Variants in KIF5B observed in about 807,000 individuals in gnomAD.
KIF5B encodes the protein kinesin family member 5B.
A neutral mutation model predicts 132.8 loss-of-function variants in KIF5B; 49 were observed. The ratio of observed to expected loss-of-function variants is 0.37; its 90% CI spans 0.29 to 0.47. KIF5B has a LOEUF of 0.47. Among genes scored for constraint, KIF5B ranks in the 20% least tolerant of loss-of-function variants. The pLI is 1.00. For synonymous variants in KIF5B, 355 were observed against 369.4 expected (o/e 0.96, Z 0.45); for missense variants, 780 against 1,144.0 (o/e 0.68, Z 4.59).
Position 32,022,152 on chromosome 10 carries a change from G to A in KIF5B, c.2020C>T (p.Leu674Phe). The A allele has an allele frequency of 6.3e-7, 1 of 1,581,680 alleles. No individual in the cohort carries two copies. The highest frequency in any genetic ancestry group is 8.7e-7 in the Non-Finnish European group (1 of 1,153,410). ...TTGGAAGCTATACCTTGTGCTCGAA[G>A]CTGGACTAGTTCTTCACTGAGGGCA... is the stretch of plus-strand genomic sequence containing the variant. ...VDALSEELVQ[L>F]RAQEKVHEME... The change falls in exon 17 of 26, where the codon CTT (leucine) becomes TTT (phenylalanine). Residue 674 changes from leucine (L) to phenylalanine (F), a missense_variant. Leu to Phe is a conservative substitution (Grantham distance 22). This residue lies in a region of KIF5B where 471 missense variants were observed against 569.9 expected (regional missense o/e 0.83). Coordinates refer to ENST00000302418, the MANE Select transcript of KIF5B (RefSeq NM_004521.3).
intron 1 of KIF5B, among the ~76,000 whole-genome samples, chr10:32,050,384 A>T (rs186951403): frequency 1.4e-3 from 218 of 152,330 alleles, no homozygotes; most frequent in Middle Eastern, 0.014. Context: ...GGTCTGTTCG[A>T]GGTCTCTGAG....
Position 32,048,456 on chromosome 10 carries a change from A to G in KIF5B, c.214+8T>C, listed in dbSNP as rs771002605. 6.3e-6 allele frequency: 10 copies of G among 1,583,460 alleles called. No homozygotes were observed. The highest frequency in any genetic ancestry group is 3.3e-4 in the Middle Eastern group (2 of 5,990). On this transcript the variant is annotated splice_region_variant and intron_variant, in intron 2 of 25. Coordinates refer to ENST00000302418, the MANE Select transcript of KIF5B (RefSeq NM_004521.3). ...GCTGAGACAACTCAGCAGGTTGAAT[A>G]TATTTACCTTTAACAATCTTCTTTG...
intron 23 of KIF5B, among the ~76,000 whole-genome samples, chr10:32,017,743 A>G (rs975143685): frequency 3.3e-5 from 5 of 152,248 alleles, no homozygotes; most frequent in African/African-American, 1.2e-4. Flanking sequence ...AAGACTTTGC[A>G]GTACTTTAAC....
intron 15 of KIF5B, among the ~76,000 whole-genome samples, chr10:32,027,125 T>C: frequency 6.6e-6 from 1 of 152,220 alleles, no homozygotes; most frequent in East Asian, 1.9e-4. Context: ...GTACTCCATA[T>C]TGAAAACTTT....
chr10:32,035,131 G>T (rs964472850), intron 10 of KIF5B, among the ~76,000 whole-genome samples: 18 of 151,852 alleles, frequency 1.2e-4, no homozygotes, highest in African/African-American at 3.9e-4. Flanking sequence ...AATTACTGTT[G>T]AAAGTCAAAG....
Position 32,035,878 on chromosome 10 carries a change from A to G in KIF5B, c.816+12T>C, listed in dbSNP as rs1205809076. ...ATAAGGTAACAGGGAGATAGAAGAC[A>G]TGTATACTCACACTACCCTCAGCCA... On this transcript the variant is annotated intron_variant, in intron 9 of 25. Transcript: ENST00000302418. 1.9e-6 allele frequency: 3 copies of G among 1,592,474 alleles called. No individual in the cohort carries two copies. Among genetic ancestry groups the G allele is most frequent in the Admixed American group, 3.5e-5 (2 of 57,554 alleles).
rs1313051693 is a variant in KIF5B, at chr10:32,015,679, C to T, written c.2762-20G>A. ...GTTTAGCTAATATGAAAAATAAAGACAGACTTTAGAATAAAGTTTAAGATG... is the reference window on the plus strand; with the variant it reads ...GTTTAGCTAATATGAAAAATAAAGATAGACTTTAGAATAAAGTTTAAGATG... On this transcript the variant is annotated intron_variant, in intron 24 of 25. Coordinates refer to ENST00000302418, the MANE Select transcript of KIF5B (RefSeq NM_004521.3). 3.1e-6 allele frequency: 5 copies of T among 1,593,586 alleles called. No individual in the cohort carries two copies. Among genetic ancestry groups the T allele is most frequent in the Non-Finnish European group, 4.3e-6 (5 of 1,168,988 alleles).
chr10:32,017,444 A>C (rs943826095), intron 23 of KIF5B, 85 bp from the exon 24 acceptor site: 9 of 998,120 alleles, frequency 9.0e-6, no homozygotes, highest in African/African-American at 3.3e-5. Context: ...GCTCTTTAGA[A>C]AAGTAAAACT....
At chr10:32,043,035 T>G (rs944081191) in intron 2 of KIF5B, among the ~76,000 whole-genome samples, 6 of 152,134 alleles carry the variant, frequency 3.9e-5, no homozygotes, top group Non-Finnish European at 8.8e-5. Context: ...TCACCCAGGC[T>G]GGAGTGCAGT....
rs900280266 is a variant in KIF5B, at chr10:32,024,063, A to C, written c.1726-1027T>G. ...ATGACGTTGAGAGTAAAAAAAAAAA[A>C]CAAAAAAAAAAAAACAAGACACAGA... On this transcript the variant is annotated intron_variant, in intron 15 of 25. Transcript: ENST00000302418. 3.9e-3 allele frequency among the ~76,000 whole-genome samples: 292 copies of C among 74,186 alleles called. 9 individuals are homozygous for C. In the East Asian group the frequency reaches 0.055, roughly 14 times the overall value. 48.7% of individuals were successfully genotyped at this position (74,186 alleles called of 152,430 possible). A position where few individuals can be genotyped will look rare whatever the true frequency, so the allele number is the denominator to read the frequency against.
At chr10:32,054,866 G>A (rs979410161) in intron 1 of KIF5B, among the ~76,000 whole-genome samples, 3 of 152,050 alleles carry the variant, frequency 2.0e-5, no homozygotes, top group African/African-American at 7.2e-5. Context: ...CACTGATAAT[G>A]ATCACTCAAC....
chr10:32,052,564 G>C (rs1468491171), intron 1 of KIF5B, among the ~76,000 whole-genome samples: 2 of 152,098 alleles, frequency 1.3e-5, no homozygotes, highest in African/African-American at 4.8e-5. Flanking sequence ...TTCATAAATA[G>C]ATAGATGTAA....
intron 3 of KIF5B, among the ~76,000 whole-genome samples, chr10:32,039,976 T>C (rs936676163): frequency 2.6e-5 from 4 of 152,210 alleles, no homozygotes; most frequent in Non-Finnish European, 4.4e-5. Flanking sequence ...GCAGCACTGA[T>C]AATTATGGCA....
chr10:32,032,666 A>G, intron 13 of KIF5B, 40 bp downstream of exon 13: 1 of 1,509,240 alleles, frequency 6.6e-7, no homozygotes, highest in Non-Finnish European at 9.2e-7. Context: ...ACAAAACTAT[A>G]AAGCTTTTCT....
chr10:32,034,845 G>A lies in KIF5B; in HGVS notation c.963-7C>T. 2.6e-6 allele frequency: 4 copies of A among 1,558,122 alleles called. No homozygotes were observed. The highest frequency in any genetic ancestry group is 3.4e-6 in the Non-Finnish European group (4 of 1,159,636). ...GTTCTTAATTGTTTTGGCCCTAAGA[G>A]ATGTAATTGGAGGAAAAAAAGGATG... On this transcript the variant is annotated splice_region_variant and splice_polypyrimidine_tract_variant and intron_variant, in intron 10 of 25. Transcript: ENST00000302418.
At chr10:32,013,345 A>G (rs1419251053) in intron 25 of KIF5B, among the ~76,000 whole-genome samples, 1 of 152,242 alleles carries the variant, frequency 6.6e-6, no homozygotes, top group Non-Finnish European at 1.5e-5. Flanking sequence ...TATCTATGAC[A>G]TAACTTTGTC....
intron 4 of KIF5B, 55 bp from the exon 5 acceptor site, chr10:32,038,881 C>G: frequency 9.2e-7 from 1 of 1,088,186 alleles, no homozygotes; most frequent in African/African-American, 1.6e-5. Context: ...AACTTATTCG[C>G]ATATTGAGGT....
chr10:32,016,104 A>G (rs1177744678), intron 24 of KIF5B, among the ~76,000 whole-genome samples: 1 of 152,162 alleles, frequency 6.6e-6, no homozygotes. Flanking sequence ...TAATTGCACC[A>G]CTGCAGTCTA....
chr10:32,028,252 C>T (rs529488505), intron 15 of KIF5B, among the ~76,000 whole-genome samples, 176 bp downstream of exon 15: 2 of 152,132 alleles, frequency 1.3e-5, no homozygotes, highest in African/African-American at 2.4e-5. Context: ...TATTTGGGTG[C>T]CCTTATTCTC....
Sources: allele counts gnomAD v4.1 joint callset (sites outside exome capture counted in the v4.1 genomes callset), GRCh38; gene constraint gnomAD v4.1.1; regional missense constraint gnomAD v4.1.1; transcripts MANE v1.5; gene names NCBI Gene and HGNC (gene_info 2026-07-23, HGNC 2026-07-21).